The following ADGRB3 variants were observed in gnomAD, a reference collection of about 807,000 sequenced individuals.
The protein encoded by ADGRB3 is brain-specific angiogenesis inhibitor 3.
Under a neutral mutation model 193.4 loss-of-function variants are expected in ADGRB3, and 37 were observed. The observed-to-expected ratio is 0.19, with a 90% CI of 0.15 to 0.25. The LOEUF (loss-of-function observed/expected upper bound fraction) is 0.25, where lower values mean the gene tolerates loss of function less well. Among genes scored for constraint, ADGRB3 ranks in the 10% least tolerant of loss-of-function variants. The pLI is 1.00. For synonymous variants in ADGRB3, 690 were observed against 644.2 expected (o/e 1.07, Z -1.08); for missense variants, 1,637 against 1,852.9 (o/e 0.88, Z 2.14).
intron 20 of ADGRB3, among the ~76,000 whole-genome samples, chr6:69,304,611 T>C (rs1172659725): frequency 2.0e-5 from 3 of 151,628 alleles, no homozygotes; most frequent in African/African-American, 4.9e-5. Flanking sequence ...TCTCTGTATG[T>C]CAAAGTTATA....
intron 17 of ADGRB3, chr6:69,232,601 C>T (rs1766167255): frequency 6.5e-7 from 1 of 1,535,648 alleles, no homozygotes; most frequent in Admixed American, 2.0e-5. Flanking sequence ...GCGAGCTGGA[C>T]TGAGTGAAGT....
At chr6:69,065,143 C>G (rs1771862546) in intron 16 of ADGRB3, among the ~76,000 whole-genome samples, 1 of 152,036 alleles carries the variant, frequency 6.6e-6, no homozygotes, top group African/African-American at 2.4e-5. Flanking sequence ...GTGAATTGAC[C>G]AGGTTCCCAC....
chr6:68,936,405 G>T, intron 4 of ADGRB3, 114 bp from the exon 5 acceptor site: 2 of 1,092,948 alleles, frequency 1.8e-6, no homozygotes, highest in Non-Finnish European at 1.3e-6. Flanking sequence ...TTGATGTATG[G>T]TCATATTTTT....
chr6:69,164,749 C>T (rs1038778280), intron 17 of ADGRB3, among the ~76,000 whole-genome samples: 6 of 152,158 alleles, frequency 3.9e-5, no homozygotes, highest in East Asian at 3.9e-4. Flanking sequence ...AATGAGACAG[C>T]GTCCGTGAAC....
chr6:69,299,996 CCAAAAGTAGAGAAAGACTA>C (rs1306272630), intron 20 of ADGRB3, among the ~76,000 whole-genome samples: 2 of 151,426 alleles, frequency 1.3e-5, no homozygotes, highest in Non-Finnish European at 3.0e-5. Context: ...TAACAATATA[CCAAAAGTAGAGAAAGACTA>C]CAAAAAAAGG....
intron 29 of ADGRB3, among the ~76,000 whole-genome samples, chr6:69,372,008 T>C (rs1769717566): frequency 6.6e-6 from 1 of 152,066 alleles, no homozygotes; most frequent in Non-Finnish European, 1.5e-5. Context: ...AACTAGACAG[T>C]TTTTCCTATA....
intron 3 of ADGRB3, among the ~76,000 whole-genome samples, chr6:68,797,109 G>A (rs572874200): frequency 6.6e-6 from 1 of 152,210 alleles, no homozygotes; most frequent in Non-Finnish European, 1.5e-5. Flanking sequence ...GAGCCATGAT[G>A]AAAATTCCTT....
At chr6:68,645,462 G>A (rs1768187279) in intron 3 of ADGRB3, among the ~76,000 whole-genome samples, 2 of 152,112 alleles carry the variant, frequency 1.3e-5, no homozygotes, top group African/African-American at 4.8e-5. Flanking sequence ...TTTTCTAGGT[G>A]TGTCACTTCC....
In ADGRB3 at chr6:68,965,940, C is replaced by A. The variant is rs537620076; in HGVS notation, c.1526-8823C>A. ...AAATAATTAAAACAAATCTCTATCTCTAGCTTGTTTTCTTCTGGAGCTTGG... is the reference window on the plus strand; with the variant it reads ...AAATAATTAAAACAAATCTCTATCTATAGCTTGTTTTCTTCTGGAGCTTGG... On this transcript the variant is annotated intron_variant, in intron 8 of 31. Transcript: ENST00000370598. Among the ~76,000 whole-genome samples, 30 of 152,292 alleles carry A rather than the reference C, an allele frequency of 2.0e-4. No individual in the cohort carries two copies. The East Asian group carries it at 5.4e-3, about 27-fold the overall frequency.
At chr6:69,338,772 C>T in intron 24 of ADGRB3, 144 bp from the exon 25 acceptor site, 1 of 695,856 alleles carries the variant, frequency 1.4e-6, no homozygotes, top group South Asian at 1.9e-5. Flanking sequence ...ATAAATGCAT[C>T]TTTACAACAA....
At chr6:68,911,066 T>C (rs192252973) in intron 3 of ADGRB3, among the ~76,000 whole-genome samples, 2 of 152,230 alleles carry the variant, frequency 1.3e-5, no homozygotes, top group African/African-American at 2.4e-5. Context: ...GTGGCACATA[T>C]ACACCATGGA....
Position 69,361,035 on chromosome 6 carries a change from A to T in ADGRB3, c.3762A>T (p.Thr1254=). 2.5e-6 allele frequency: 4 copies of T among 1,612,798 alleles called. No individual in the cohort carries two copies. Among genetic ancestry groups the T allele is most frequent in the Non-Finnish European group, 3.4e-6 (4 of 1,179,208 alleles). ...CCAAAGTCATCATCCAGCAACCCAC[A>T]GGTTTGCACATGCCCATGAGTATGA... The part of the protein sequence containing the change: ...VISKVIIQQP[T]GLHMPMSMNE... Residue 1254 remains threonine, a synonymous_variant, in exon 29 of 32, where the codon ACA becomes ACT. Transcript: ENST00000370598.
intron 20 of ADGRB3, among the ~76,000 whole-genome samples, chr6:69,241,002 T>C (rs1157709768): frequency 6.6e-6 from 1 of 151,840 alleles, no homozygotes; most frequent in African/African-American, 2.4e-5. Flanking sequence ...CATTTTTTAC[T>C]CTCCAAACAC....
intron 17 of ADGRB3, among the ~76,000 whole-genome samples, chr6:69,114,191 A>G (rs1280781081): frequency 1.3e-5 from 2 of 152,224 alleles, no homozygotes; most frequent in African/African-American, 2.4e-5. Flanking sequence ...GGTAAGTACT[A>G]TTATCACCAT....
rs570706829 is a variant in ADGRB3, at chr6:68,993,520, T to C, written c.1735-248T>C. Among the ~76,000 whole-genome samples the C allele has an allele frequency of 2.0e-5, 3 of 152,300 alleles. No individual in the cohort carries two copies. In the South Asian group the frequency reaches 6.2e-4, roughly 32 times the overall value. The stretch of plus-strand genomic sequence containing the variant: ...ACATTTTCCCAAATGTGTTGAATTG[T>C]GTGTTCTAACTAGAAATGGCAAGTT... On this transcript the variant is annotated intron_variant, in intron 10 of 31. Transcript: ENST00000370598.
chr6:69,044,018 G>A (rs1771163580), intron 13 of ADGRB3, among the ~76,000 whole-genome samples: 1 of 152,128 alleles, frequency 6.6e-6, no homozygotes, highest in Admixed American at 6.5e-5. Context: ...TCCAGCCTGG[G>A]CGACAGAGCG....
Position 69,388,837 on chromosome 6 carries a change from G to T in ADGRB3, c.4515G>T (p.Lys1505Asn), listed in dbSNP as rs1468313815. The T allele has an allele frequency of 1.6e-5, 26 of 1,613,374 alleles. No individual in the cohort carries two copies. Among genetic ancestry groups the T allele is most frequent in the Non-Finnish European group, 2.2e-5 (26 of 1,179,624 alleles). The change falls in exon 32 of 32, where the codon AAG becomes AAT. Residue 1505 changes from lysine (K) to asparagine (N), a missense_variant. Lys to Asn is a moderately conservative substitution (Grantham distance 94, BLOSUM62 0). Around this residue, in one of 7 missense-constraint regions of ADGRB3, gnomAD observed 368 missense variants for 367.4 expected, o/e 1.00. Coordinates refer to ENST00000370598, the MANE Select transcript of ADGRB3 (RefSeq NM_001704.3). ...ALELRPAEWE[K>N]CLNLPLDVQE... is the part of the protein sequence containing the mutation. ...AACTGAGGCCAGCAGAGTGGGAGAA[G>T]TGTCTGAATTTGCCTCTGGATGTGC...
chr6:68,675,343 A>G (rs1206761244), intron 3 of ADGRB3, among the ~76,000 whole-genome samples: 1 of 152,210 alleles, frequency 6.6e-6, no homozygotes, highest in East Asian at 1.9e-4. Flanking sequence ...AGCAATAACA[A>G]AGTAGAACAT....
chr6:68,662,052 T>A (rs1768675261), intron 3 of ADGRB3, among the ~76,000 whole-genome samples: 1 of 151,464 alleles, frequency 6.6e-6, no homozygotes, highest in African/African-American at 2.4e-5. Context: ...AAGTCAGGAA[T>A]TTGCAAAGGG....
Sources: allele counts gnomAD v4.1 joint callset (sites outside exome capture counted in the v4.1 genomes callset), GRCh38; gene constraint gnomAD v4.1.1; regional missense constraint gnomAD v4.1.1; transcripts MANE v1.5; gene names NCBI Gene and HGNC (gene_info 2026-07-23, HGNC 2026-07-21).